The following BBX variants were observed in gnomAD, a reference collection of about 807,000 sequenced individuals.
The protein encoded by BBX is BBX high mobility group box domain containing, also known as HMG box transcription factor BBX.
BBX carries 30 observed loss-of-function variants against 100.2 expected under a neutral mutation model. That is an observed-to-expected ratio of 0.30 (90% CI 0.22 to 0.41). The LOEUF (loss-of-function observed/expected upper bound fraction) is 0.41, where lower values mean the gene tolerates loss of function less well. Among genes scored for constraint, BBX ranks in the 10% least tolerant of loss-of-function variants. The pLI is 1.00. For synonymous variants in BBX, 376 were observed against 388.1 expected (o/e 0.97, Z 0.37); for missense variants, 1,023 against 1,129.8 (o/e 0.91, Z 1.35).
rs181542235 is a variant in BBX at position 107,571,489 on chromosome 3, G to A, written c.-84+45091G>A. 1.1e-3 allele frequency among the ~76,000 whole-genome samples: 160 copies of A among 152,312 alleles called. 1 individual carries two copies. Among genetic ancestry groups the A allele is most frequent in the African/African-American group, 3.5e-3 (147 of 41,582 alleles). ...AGAAAGAACTGGAGTTGGAAGGACA[G>A]GGAGATTGAAGGGTAGTGAGAGAGG... On this transcript the variant is annotated intron_variant, in intron 2 of 17. Transcript: ENST00000325805.
chr3:107,627,160 A>T (rs1043012389), intron 2 of BBX, among the ~76,000 whole-genome samples: 7 of 152,236 alleles, frequency 4.6e-5, no homozygotes, highest in Non-Finnish European at 7.3e-5. Flanking sequence ...GGTTGGGCTT[A>T]CTGGCTACCA....
At chr3:107,560,200 G>T in intron 2 of BBX, among the ~76,000 whole-genome samples, 1 of 147,342 alleles carries the variant, frequency 6.8e-6, no homozygotes, top group Non-Finnish European at 1.5e-5. Context: ...AAAATAATGG[G>T]AAACATGAAA....
At chr3:107,682,781 T>C (rs938993599) in intron 3 of BBX, among the ~76,000 whole-genome samples, 4 of 152,170 alleles carry the variant, frequency 2.6e-5, no homozygotes, top group Non-Finnish European at 4.4e-5. Context: ...TTTGCTGCAG[T>C]TGCAGTAATT....
intron 2 of BBX, among the ~76,000 whole-genome samples, chr3:107,604,250 G>T (rs184374243): frequency 6.6e-6 from 1 of 152,098 alleles, no homozygotes; most frequent in Non-Finnish European, 1.5e-5. Flanking sequence ...AGCCTGTTCC[G>T]TTTTGGGTAC....
In BBX at chr3:107,798,556, C is replaced by T. The variant is rs373230525; in HGVS notation, c.2387C>T (p.Pro796Leu). ...IFSEDRNTMEPVHKVKNIPSI... is the reference protein window; with the variant it reads ...IFSEDRNTMELVHKVKNIPSI... ...TCAGAAGACAGAAACACCATGGAGC[C>T]TGTTCATAAGGTTAAAAATATCCCA... The change falls in exon 16 of 18, where the codon CCT becomes CTT. Residue 796 changes from proline (P) to leucine (L), a missense_variant. Pro to Leu is a moderately conservative substitution (Grantham distance 98, BLOSUM62 -3). Coordinates refer to ENST00000325805, the MANE Select transcript of BBX (RefSeq NM_001142568.3). 20 of 1,614,010 alleles carry T rather than the reference C, an allele frequency of 1.2e-5. No individual in the cohort carries two copies. Among genetic ancestry groups the T allele is most frequent in the Non-Finnish European group, 1.7e-5 (20 of 1,179,950 alleles).
intron 2 of BBX, among the ~76,000 whole-genome samples, chr3:107,594,225 G>C (rs2053527477): frequency 6.6e-6 from 1 of 152,050 alleles, no homozygotes; most frequent in South Asian, 2.1e-4. Context: ...TCCTCCCCCT[G>C]TCTAGTAGCT....
chr3:107,772,901 A>C lies in BBX; in HGVS notation c.1180A>C (p.Lys394Gln). The C allele has an allele frequency of 6.2e-6, 10 of 1,609,940 alleles. No individual in the cohort carries two copies. The highest frequency in any genetic ancestry group is 8.5e-6 in the Non-Finnish European group (10 of 1,178,472). ...AATGGAAGATCCCAAAGAAATTAGA[A>C]AGGAAGAGTTAGAAGAAGATCACAA... ...IKMEDPKEIRKEELEEDHKCS... is the reference protein window; with the variant it reads ...IKMEDPKEIRQEELEEDHKCS... Residue 394 changes from lysine (K) to glutamine (Q), a missense_variant, in exon 11 of 18, where the codon AAG becomes CAG. Lys to Gln is a moderately conservative substitution (Grantham distance 53). This residue lies in a region of BBX where 348 missense variants were observed against 353.2 expected (regional missense o/e 0.99). Coordinates refer to ENST00000325805, the MANE Select transcript of BBX (RefSeq NM_001142568.3).
chr3:107,799,105 G>C (rs367664662), intron 16 of BBX, among the ~76,000 whole-genome samples: 12 of 151,252 alleles, frequency 7.9e-5, no homozygotes, highest in Non-Finnish European at 1.6e-4. Context: ...AGCCGAGATC[G>C]CGCCACTGCA....
chr3:107,560,943 T>G (rs1402987877), intron 2 of BBX, among the ~76,000 whole-genome samples: 1 of 152,234 alleles, frequency 6.6e-6, no homozygotes, highest in Non-Finnish European at 1.5e-5. Context: ...AGTGTACTAT[T>G]GATATTTTAG....
chr3:107,541,445 A>G (rs2048854805), intron 2 of BBX, among the ~76,000 whole-genome samples: 1 of 152,194 alleles, frequency 6.6e-6, no homozygotes, highest in Non-Finnish European at 1.5e-5. Context: ...GTTAAGGCCC[A>G]TGTAGGGCCT....
chr3:107,804,882 A>T (rs2070928040), intron 17 of BBX, among the ~76,000 whole-genome samples: 1 of 151,850 alleles, frequency 6.6e-6, no homozygotes, highest in Admixed American at 6.6e-5. Context: ...TTATCACTAA[A>T]TTACCTGAAG....
intron 17 of BBX, among the ~76,000 whole-genome samples, chr3:107,805,088 A>G (rs546449511): frequency 6.6e-6 from 1 of 152,208 alleles, no homozygotes; most frequent in South Asian, 2.1e-4. Flanking sequence ...GGAAGTGGTT[A>G]GTTGTTTGAG....
chr3:107,699,398 A>C (rs2060889136), intron 3 of BBX, among the ~76,000 whole-genome samples: 1 of 151,952 alleles, frequency 6.6e-6, no homozygotes. Context: ...TGTAAAGGCA[A>C]GCTGGACTAG....
intron 2 of BBX, among the ~76,000 whole-genome samples, chr3:107,621,094 A>G (rs144721205): frequency 0.012 from 1,776 of 152,202 alleles, 12 homozygotes; most frequent in Non-Finnish European, 0.02. Flanking sequence ...GTGAAGGGCC[A>G]CAGTTTTTTT....
intron 2 of BBX, among the ~76,000 whole-genome samples, chr3:107,632,983 C>G (rs947095237): frequency 2.6e-5 from 4 of 152,106 alleles, no homozygotes; most frequent in African/African-American, 9.7e-5. Flanking sequence ...TAAAACAAAA[C>G]TGATGTACAT....
chr3:107,547,050 A>G (rs1375432693), intron 2 of BBX, among the ~76,000 whole-genome samples: 1 of 152,200 alleles, frequency 6.6e-6, no homozygotes, highest in Non-Finnish European at 1.5e-5. Context: ...TTACAAATGT[A>G]TAAGAGCTAT....
chr3:107,701,130 A>G (rs186504416), intron 3 of BBX, among the ~76,000 whole-genome samples: 2 of 152,192 alleles, frequency 1.3e-5, no homozygotes, highest in African/African-American at 4.8e-5. Flanking sequence ...AATGATCACC[A>G]TTCTAACTGG....
At chr3:107,748,070 A>C in intron 9 of BBX, 31 bp downstream of exon 9, 1 of 1,578,868 alleles carries the variant, frequency 6.3e-7, no homozygotes, top group Non-Finnish European at 8.7e-7. Context: ...TTTTTAGGCT[A>C]AGAAAACTTG....
intron 3 of BBX, among the ~76,000 whole-genome samples, chr3:107,703,407 G>C (rs2061202917): frequency 6.6e-6 from 1 of 152,094 alleles, no homozygotes; most frequent in Non-Finnish European, 1.5e-5. Flanking sequence ...TTGTAGCCTA[G>C]AACAGCATTC....
Sources: gnomAD v4.1 joint callset for allele counts (sites outside exome capture counted in the v4.1 genomes callset) on GRCh38, gnomAD v4.1.1 for gene constraint, gnomAD v4.1.1 regional missense constraint, MANE v1.5 for transcripts, NCBI Gene and HGNC (gene_info 2026-07-23, HGNC 2026-07-21) for gene names.